The following DSN1 variants were observed in gnomAD, a reference collection of about 807,000 sequenced individuals.
The protein encoded by DSN1 is kinetochore-associated protein DSN1 homolog.
In DSN1, 31 loss-of-function variants were observed where a neutral mutation model predicts 45.7. The ratio of observed to expected loss-of-function variants is 0.68; its 90% CI spans 0.51 to 0.92. The LOEUF is 0.92. Ranked by LOEUF, DSN1 falls within the 40% of genes least tolerant of loss-of-function variation. DSN1 has a pLI of 0.00. For synonymous variants in DSN1, 134 were observed against 142.3 expected (o/e 0.94, Z 0.41); for missense variants, 394 against 414.2 (o/e 0.95, Z 0.42).
At chr20:36,762,122 T>TG (rs1568692929) in intron 6 of DSN1, among the ~76,000 whole-genome samples, 2 of 138,248 alleles carry the variant, frequency 1.4e-5, no homozygotes, top group African/African-American at 6.1e-5. Context: ...TTTTTTTTTT[T>TG]GTGAGACAGA....
chr20:36,773,573 C>G, intron 1 of DSN1, 89 bp downstream of exon 1: 1 of 985,824 alleles, frequency 1.0e-6, no homozygotes, highest in Non-Finnish European at 1.2e-6. Context: ...GGGTACGACG[C>G]CGAAGAGATT....
chr20:36,768,139 T>G (rs1471528591), intron 3 of DSN1, 97 bp from the exon 4 acceptor site: 1 of 1,194,360 alleles, frequency 8.4e-7, no homozygotes, highest in Non-Finnish European at 1.2e-6. Context: ...AAATCCAACT[T>G]AAGGCAAGAA....
chr20:36,768,124 T>C, intron 3 of DSN1, 82 bp from the exon 4 acceptor site: 1 of 1,370,678 alleles, frequency 7.3e-7, no homozygotes, highest in Non-Finnish European at 1.0e-6. Context: ...GTCCTCCCTC[T>C]TGATAAATCC....
intron 10 of DSN1, among the ~76,000 whole-genome samples, chr20:36,754,341 C>T (rs1349117378): frequency 6.6e-6 from 1 of 151,576 alleles, no homozygotes. Flanking sequence ...ACTTTGCCCC[C>T]CCAGCCCAAA....
In DSN1 at chr20:36,762,549, C is replaced by T; in HGVS notation, c.503-1G>A. The T allele has an allele frequency of 3.7e-6, 6 of 1,611,408 alleles. No homozygotes were observed. The highest frequency in any genetic ancestry group is 1.1e-5 in the South Asian group (1 of 90,548). ...TTCAATTCTTCAGAAAGAGAAGATG[C>T]TAGACAGCACAAATTTACGTGTCAT... is the stretch of plus-strand genomic sequence containing the variant. On this transcript the variant is annotated splice_acceptor_variant, in intron 5 of 10. Transcript: ENST00000373750. LOFTEE classifies it high-confidence loss of function.
chr20:36,758,808 C>T (rs1986815392), intron 6 of DSN1, among the ~76,000 whole-genome samples, 191 bp from the exon 7 acceptor site: 1 of 152,138 alleles, frequency 6.6e-6, no homozygotes, highest in African/African-American at 2.4e-5. Context: ...CTGCCTTAGC[C>T]TCCAGAGTAG....
At chr20:36,752,946 C>T (rs781356439) in intron 10 of DSN1, 49 bp from the exon 11 acceptor site, 7 of 1,474,514 alleles carry the variant, frequency 4.7e-6, no homozygotes, top group Non-Finnish European at 4.7e-6. Flanking sequence ...AATAACGTAA[C>T]ATTTATTGAA....
At chr20:36,761,569 A>C (rs1986983732) in intron 6 of DSN1, among the ~76,000 whole-genome samples, 1 of 152,050 alleles carries the variant, frequency 6.6e-6, no homozygotes, top group Non-Finnish European at 1.5e-5. Context: ...CCGCCTTTAA[A>C]ATTAAAAATA....
At chr20:36,755,563 G>T in intron 9 of DSN1, 119 bp downstream of exon 9, 1 of 1,168,832 alleles carries the variant, frequency 8.6e-7, no homozygotes, top group Non-Finnish European at 1.2e-6. Context: ...TTTTCCTAAG[G>T]TAGAGTTGAA....
intron 1 of DSN1, chr20:36,773,434 T>A: frequency 1.0e-6 from 1 of 985,428 alleles, no homozygotes; most frequent in Non-Finnish European, 1.2e-6. Context: ...GGCAGATACG[T>A]CTCTAATGGG....
At chr20:36,756,814 T>A (rs532452326) in intron 8 of DSN1, among the ~76,000 whole-genome samples, 1 of 152,164 alleles carries the variant, frequency 6.6e-6, no homozygotes, top group Non-Finnish European at 1.5e-5. Flanking sequence ...AGATTTTATC[T>A]GAAACTAGCA....
At chr20:36,761,561 G>A (rs1243683480) in intron 6 of DSN1, among the ~76,000 whole-genome samples, 1 of 151,572 alleles carries the variant, frequency 6.6e-6, no homozygotes, top group East Asian at 1.9e-4. Context: ...GGGAGACCCC[G>A]CCTTTAAAAT....
chr20:36,752,951 A>T (rs1600996668), intron 10 of DSN1, 54 bp from the exon 11 acceptor site: 3 of 1,439,534 alleles, frequency 2.1e-6, no homozygotes, highest in Non-Finnish European at 2.9e-6. Context: ...CGTAACATTT[A>T]TTGAAAACTT....
chr20:36,767,972 G>A lies in DSN1; in HGVS notation c.426C>T (p.Phe142=). ...TTCCTAGTTATAAGAACCTTACCTG[G>A]AAACTGGAAAGCAGGAGACAGCCAA... is the stretch of plus-strand genomic sequence containing the variant. The part of the protein sequence containing the change: ...KRLGCLLLSS[F]QFSIQKLEPF... The change falls in exon 4 of 11, where the codon TTC becomes TTT. Residue 142 remains phenylalanine (F), a synonymous_variant. Transcript: ENST00000373750. The A allele has an allele frequency of 3.7e-6, 6 of 1,614,004 alleles. No homozygotes were observed. The highest frequency in any genetic ancestry group is 4.2e-6 in the Non-Finnish European group (5 of 1,179,970).
chr20:36,762,761 CTATT>C (rs1452825842), intron 5 of DSN1, among the ~76,000 whole-genome samples: 2 of 151,804 alleles, frequency 1.3e-5, no homozygotes, highest in Non-Finnish European at 2.9e-5. Flanking sequence ...TCATTTTTAT[CTATT>C]TATTTAGACA....
rs532591224 is a variant in DSN1, at chr20:36,760,611, G to A, written c.590+1850C>T. ...AATATACTGCATTAAAAATAGGCCC[G>A]GTGTGGTGGTTCACGCCTCTAATCC... On this transcript the variant is annotated intron_variant, in intron 6 of 10. Transcript: ENST00000373750. 5.3e-5 allele frequency among the ~76,000 whole-genome samples: 8 copies of A among 152,286 alleles called. No homozygotes were observed. In the South Asian group the frequency reaches 6.2e-4, roughly 12 times the overall value.
chr20:36,768,170 C>T (rs1987451989), intron 3 of DSN1, 128 bp from the exon 4 acceptor site: 2 of 801,846 alleles, frequency 2.5e-6, no homozygotes. Context: ...TAGTTAAAGA[C>T]AGAATTCTAA....
intron 5 of DSN1, among the ~76,000 whole-genome samples, chr20:36,763,762 C>T (rs984485798): frequency 2.0e-5 from 3 of 151,788 alleles, no homozygotes; most frequent in Non-Finnish European, 4.4e-5. Flanking sequence ...TTGCGCATGC[C>T]TGTTGTCCCA....
At chr20:36,757,096 C>T (rs1986713863) in intron 8 of DSN1, among the ~76,000 whole-genome samples, 1 of 152,204 alleles carries the variant, frequency 6.6e-6, no homozygotes, top group African/African-American at 2.4e-5. Context: ...TGGCTTACAC[C>T]TGTAATCTCA....
Sources: gnomAD v4.1 joint callset for allele counts (sites outside exome capture counted in the v4.1 genomes callset) on GRCh38, gnomAD v4.1.1 for gene constraint, MANE v1.5 for transcripts, NCBI Gene and HGNC (gene_info 2026-07-23, HGNC 2026-07-21) for gene names.